JAK3: variants seen among roughly 807,000 people sequenced by gnomAD.
JAK3 encodes the protein Janus kinase 3.
In JAK3, 88 loss-of-function variants were observed where a neutral mutation model predicts 120.8. That is an observed-to-expected ratio of 0.73 (90% CI 0.61 to 0.87). The LOEUF is 0.87. Ranked by LOEUF, JAK3 falls within the 40% of genes least tolerant of loss-of-function variation. The pLI is 0.00. For missense variants in JAK3, 1,254 were observed against 1,501.4 expected (o/e 0.84, Z 2.72); for synonymous variants, 592 against 628.6 (o/e 0.94, Z 0.87).
At chr19:17,846,098 G>A (rs944652170) in intron 1 of JAK3, among the ~76,000 whole-genome samples, 42 of 152,208 alleles carry the variant, frequency 2.8e-4, no homozygotes, top group African/African-American at 7.0e-4. Flanking sequence ...GATTACCGGC[G>A]TGAGAAACTG....
intron 1 of JAK3, among the ~76,000 whole-genome samples, chr19:17,845,959 AGG>A: frequency 6.6e-6 from 1 of 152,190 alleles, no homozygotes; most frequent in Admixed American, 6.5e-5. Context: ...CTGGGATTAC[AGG>A]GGCACGCCAC....
chr19:17,831,393 T>C lies in JAK3; in HGVS notation c.2813A>G (p.Glu938Gly). 6.2e-7 allele frequency: 1 copy of C among 1,603,998 alleles called. No individual in the cohort carries two copies. The highest frequency in any genetic ancestry group is 1.7e-4 in the Middle Eastern group (1 of 6,052). ...LYSSQICKGM[E>G]YLGSRRCVHR... ...CACGCAGCGGCGGGAGCCCAGGTACTCCATGCCCTGCGGGCGGGCGGTGTG... is the reference window on the plus strand; with the variant it reads ...CACGCAGCGGCGGGAGCCCAGGTACCCCATGCCCTGCGGGCGGGCGGTGTG... Residue 938 changes from glutamate to glycine, a missense_variant, in exon 21 of 24, where the codon GAG (glutamate) becomes GGG (glycine). Glu to Gly is a moderately conservative substitution (Grantham distance 98). This residue lies in a region of JAK3 where 630 missense variants were observed against 819.8 expected (regional missense o/e 0.77). Coordinates refer to ENST00000458235, the MANE Select transcript of JAK3 (RefSeq NM_000215.4). This position sits in a 1 kb window ranked among gnomAD's most constrained non-coding sequence, Gnocchi z 5.1.
Position 17,835,972 on chromosome 19 carries a change from G to C in JAK3, c.1866C>G (p.Ser622Arg), listed in dbSNP as rs2094223330. 6.2e-7 allele frequency: 1 copy of C among 1,614,016 alleles called. No individual in the cohort carries two copies. Residue 622 changes from serine to arginine, a missense_variant, in exon 14 of 24, where the codon AGC becomes AGG. By Grantham distance (110) the Ser-to-Arg change is moderately radical (BLOSUM62 -1). Around this residue, in one of 3 missense-constraint regions of JAK3, gnomAD observed 630 missense variants for 819.8 expected, o/e 0.77. Transcript: ENST00000458235. ...GCTGTTTGACCACCTGCAGCTTCCA[G>C]CTGGCTGGCACCAGGTGGCCACGTT... is the stretch of plus-strand genomic sequence containing the variant. ...LRKRGHLVPA[S>R]WKLQVVKQLA...
At chr19:17,844,499 A>G in intron 1 of JAK3, 69 bp from the exon 2 acceptor site, 1 of 1,431,804 alleles carries the variant, frequency 7.0e-7, no homozygotes, top group Non-Finnish European at 9.5e-7. Flanking sequence ...CAGGGAGGGC[A>G]TGGAAAGGAG....
Position 17,842,261 on chromosome 19 carries a change from C to CAA in JAK3, c.861+54_861+55insTT. 2 of 1,443,584 alleles carry CAA rather than the reference C, an allele frequency of 1.4e-6. No individual in the cohort carries two copies. Among genetic ancestry groups the CAA allele is most frequent in the Non-Finnish European group, 9.1e-7 (1 of 1,093,650 alleles). The allele number at this position is 1,443,584 out of a possible 1,614,324, so 89.4% of individuals were successfully genotyped here. On this transcript the variant is annotated intron_variant, in intron 6 of 23. Transcript: ENST00000458235. This position sits in a 1 kb window ranked among gnomAD's most constrained non-coding sequence, Gnocchi z 6.4. ...CACATCCCCTACCACTCTCCGGCCC[C>CAA]TCCCCGAGCCCCGCCCCCACGTTGG...
Position 17,834,713 on chromosome 19 carries a change from T to C in JAK3, c.2208A>G (p.Gln736=), listed in dbSNP as rs201247156. ...GCAGCTGCTGCCGGTCCTCATAAAA[T>C]TGGAGTTTCTGAGGGTGAGAGGAGC... ...ISALDPAKKL[Q]FYEDRQQLPA... is the part of the protein sequence containing the mutation. The change falls in exon 17 of 24, where the codon CAA becomes CAG. Residue 736 remains glutamine (Q), a synonymous_variant. Coordinates refer to ENST00000458235, the MANE Select transcript of JAK3 (RefSeq NM_000215.4). The C allele has an allele frequency of 6.8e-6, 11 of 1,613,812 alleles. No individual in the cohort carries two copies. In the Admixed American group the frequency reaches 1.5e-4, roughly 22 times the overall value.
chr19:17,826,633 T>C lies in JAK3; in HGVS notation c.*110A>G. 1 of 1,200,980 alleles carries C rather than the reference T, an allele frequency of 8.3e-7. No homozygotes were observed. The highest frequency in any genetic ancestry group is 1.2e-6 in the Non-Finnish European group (1 of 804,626). The allele number at this position is 1,200,980 out of a possible 1,614,324, so 74.4% of individuals were successfully genotyped here. ...AAATGCAATGTCATGGGGGTGTTCC[T>C]GAAGTAGAGGACCCTCATAAGGCCT... On this transcript the variant is annotated 3_prime_UTR_variant, in exon 24 of 24. Coordinates refer to ENST00000458235, the MANE Select transcript of JAK3 (RefSeq NM_000215.4).
In JAK3 at chr19:17,842,441, C is replaced by G; in HGVS notation, c.736G>C (p.Asp246His). Residue 246 changes from aspartate (D) to histidine (H), a missense_variant, in exon 6 of 24, where the codon GAT becomes CAT. Coordinates refer to ENST00000458235, the MANE Select transcript of JAK3 (RefSeq NM_000215.4). This position sits in a 1 kb window ranked among gnomAD's most constrained non-coding sequence, Gnocchi z 6.4. ...AKYIMDLERL[D>H]PAGAAETFHV... The stretch of plus-strand genomic sequence containing the variant: ...AAGGTCTCGGCGGCCCCGGCTGGAT[C>G]CAGCCGCTCCAGGTCCATGATGTAC... 7 of 1,590,902 alleles carry G rather than the reference C, an allele frequency of 4.4e-6. No individual in the cohort carries two copies. The highest frequency in any genetic ancestry group is 5.1e-6 in the Non-Finnish European group (6 of 1,170,582).
At chr19:17,846,052 G>A (rs1425059283) in intron 1 of JAK3, among the ~76,000 whole-genome samples, 1 of 151,910 alleles carries the variant, frequency 6.6e-6, no homozygotes, top group African/African-American at 2.4e-5. Flanking sequence ...TCCTGACCTC[G>A]AGTGATCCTC....
In JAK3 at chr19:17,847,439, T is replaced by G. The variant is rs566756546; in HGVS notation, c.-14+507A>C. On this transcript the variant is annotated intron_variant, in intron 1 of 23. Coordinates refer to ENST00000458235, the MANE Select transcript of JAK3 (RefSeq NM_000215.4). The stretch of plus-strand genomic sequence containing the variant: ...TGTTTGGTCCCAGAAAACGCCATAG[T>G]TTTTTTGGTTTTTTAAAAATGTTTG... Among the ~76,000 whole-genome samples, 15 of 152,220 alleles carry G rather than the reference T, an allele frequency of 9.9e-5. No homozygotes were observed. In the South Asian group the frequency reaches 1.9e-3, roughly 19 times the overall value.
Position 17,841,662 on chromosome 19 carries a change from G to A in JAK3, c.962C>T (p.Thr321Ile), listed in dbSNP as rs2147695394. 6.2e-7 allele frequency: 1 copy of A among 1,613,998 alleles called. No individual in the cohort carries two copies. The highest frequency in any genetic ancestry group is 8.5e-7 in the Non-Finnish European group (1 of 1,179,964). The change falls in exon 7 of 24, where the codon ACC (threonine) becomes ATC (isoleucine). Residue 321 changes from threonine (T) to isoleucine (I), a missense_variant. Around this residue, in one of 3 missense-constraint regions of JAK3, gnomAD observed 486 missense variants for 503.0 expected, o/e 0.97. Transcript: ENST00000458235. This position sits in a 1 kb window ranked among gnomAD's most constrained non-coding sequence, Gnocchi z 4.1. ...PAGEHRLVTV[T>I]RTDNQILEAE... Reference sequence around the variant, plus strand: ...CACTAAAATCTGGTTGTCTGTCCTGGTAACAGTGACCAGGCGGTGCTCTCC... The same window carrying A: ...CACTAAAATCTGGTTGTCTGTCCTGATAACAGTGACCAGGCGGTGCTCTCC...
chr19:17,839,435 G>T, intron 10 of JAK3, 42 bp downstream of exon 10: 2 of 1,533,536 alleles, frequency 1.3e-6, no homozygotes, highest in Non-Finnish European at 1.8e-6. Flanking sequence ...GAAAGCCAGG[G>T]TCCCAGATCA....
At chr19:17,844,925 A>G (rs1168203157) in intron 1 of JAK3, among the ~76,000 whole-genome samples, 1 of 152,078 alleles carries the variant, frequency 6.6e-6, no homozygotes, top group African/African-American at 2.4e-5. Context: ...ACTTGCCCTG[A>G]GAAACCTCAG....
intron 13 of JAK3, 108 bp from the exon 14 acceptor site, chr19:17,836,159 CTG>C: frequency 7.8e-7 from 1 of 1,281,730 alleles, no homozygotes; most frequent in Non-Finnish European, 1.1e-6. Flanking sequence ...TCATCTCTGT[CTG>C]TTCCCTCCCC....
rs185662041 is a variant in JAK3 at position 17,835,335 on chromosome 19, G to A, written c.1915-120C>T. 2.9e-5 allele frequency: 37 copies of A among 1,294,424 alleles called. No individual in the cohort carries two copies. The African/African-American group carries it at 3.2e-4, about 11-fold the overall frequency. 80.2% of individuals were successfully genotyped at this position (1,294,424 alleles called of 1,614,324 possible). A position where few individuals can be genotyped will look rare whatever the true frequency, so the allele number is the denominator to read the frequency against. ...TACTGCTCAGACATGCTCCAGCATCGTCCCTGACTCCTGACATCCTGTCTT... is the reference window on the plus strand; with the variant it reads ...TACTGCTCAGACATGCTCCAGCATCATCCCTGACTCCTGACATCCTGTCTT... On this transcript the variant is annotated intron_variant, in intron 14 of 23. Transcript: ENST00000458235.
chr19:17,832,699 C>A lies in JAK3; in HGVS notation c.2500G>T (p.Gly834Cys). The A allele has an allele frequency of 6.2e-7, 1 of 1,614,242 alleles. No homozygotes were observed. The highest frequency in any genetic ancestry group is 8.5e-7 in the Non-Finnish European group (1 of 1,180,052). ...YISQLGKGNF[G>C]SVELCRYDPL... ...TCATAGCGGCACAGCTCCACGCTGC[C>A]AAAGTTGCCCTGGGGGATAGCGGGA... The change falls in exon 19 of 24, where the codon GGC becomes TGC. Residue 834 changes from glycine (G) to cysteine (C), a missense_variant. This residue lies in a region of JAK3 where 630 missense variants were observed against 819.8 expected (regional missense o/e 0.77). Coordinates refer to ENST00000458235, the MANE Select transcript of JAK3 (RefSeq NM_000215.4). This position sits in a 1 kb window ranked among gnomAD's most constrained non-coding sequence, Gnocchi z 4.7.
intron 23 of JAK3, chr19:17,829,843 T>C (rs547615944): frequency 3.4e-6 from 2 of 580,416 alleles, no homozygotes; most frequent in South Asian, 2.2e-5. Context: ...AGCTGAGCCC[T>C]CATAGGCACA....
chr19:17,831,456 C>G lies in JAK3; in HGVS notation c.2806-56G>C. ...GGATCCCAGGATAATCCGGCAGGTA[C>G]CCCAAGCGTGACCTGGCACCCCAAC... On this transcript the variant is annotated intron_variant, in intron 20 of 23. Transcript: ENST00000458235. This position sits in a 1 kb window ranked among gnomAD's most constrained non-coding sequence, Gnocchi z 5.1. 6.3e-7 allele frequency: 1 copy of G among 1,592,028 alleles called. No homozygotes were observed. Among genetic ancestry groups the G allele is most frequent in the South Asian group, 1.1e-5 (1 of 90,864 alleles).
At chr19:17,846,016 C>G (rs1224927373) in intron 1 of JAK3, among the ~76,000 whole-genome samples, 1 of 152,026 alleles carries the variant, frequency 6.6e-6, no homozygotes, top group Non-Finnish European at 1.5e-5. Flanking sequence ...CGGGGTTTCA[C>G]CATGTTGGCG....
Sources: allele counts gnomAD v4.1 joint callset (sites outside exome capture counted in the v4.1 genomes callset), GRCh38; gene constraint gnomAD v4.1.1; regional missense constraint gnomAD v4.1.1; non-coding constraint Gnocchi (gnomAD v3.1); transcripts MANE v1.5; gene names NCBI Gene and HGNC (gene_info 2026-07-23, HGNC 2026-07-21).